The following CNTNAP2 variants were observed in gnomAD, a reference collection of about 807,000 sequenced individuals.
The protein encoded by CNTNAP2 is contactin-associated protein-like 2.
CNTNAP2 carries 98 observed loss-of-function variants against 155.2 expected under a neutral mutation model. The ratio of observed to expected loss-of-function variants is 0.63; its 90% CI spans 0.54 to 0.75. CNTNAP2 has a LOEUF of 0.75. Ranked by LOEUF, CNTNAP2 falls within the 30% of genes least tolerant of loss-of-function variation. CNTNAP2 has a pLI of 0.00. For missense variants in CNTNAP2, 1,727 were observed against 1,688.1 expected, an observed-to-expected ratio of 1.02 and a Z score of -0.40; for synonymous variants, 651 against 631.2, an observed-to-expected ratio of 1.03 and a Z score of -0.47.
chr7:146,175,789 C>A (rs1798461777), intron 1 of CNTNAP2, among the ~76,000 whole-genome samples: 1 of 152,124 alleles, frequency 6.6e-6, no homozygotes, highest in African/African-American at 2.4e-5. Flanking sequence ...ATTACAATTG[C>A]TATTTCTTTG....
At position 146,725,324 on chromosome 7, in the gene CNTNAP2, A is replaced by T. The variant is rs541494221; in HGVS notation, c.98-48947A>T. Among the ~76,000 whole-genome samples, 17 of 152,312 alleles carry T rather than the reference A, an allele frequency of 1.1e-4. 1 individual carries two copies. In the South Asian group the frequency reaches 3.5e-3, roughly 32 times the overall value. ...TAGTAAAACAACCTTTGCAGACATT[A>T]TAACAGTGAGAAAATTATGGCAGTG... is the stretch of plus-strand genomic sequence containing the variant. On this transcript the variant is annotated intron_variant, in intron 1 of 23. Coordinates refer to ENST00000361727, the MANE Select transcript of CNTNAP2 (RefSeq NM_014141.6).
At chr7:146,798,150 C>T (rs768029410) in intron 2 of CNTNAP2, among the ~76,000 whole-genome samples, 1 of 151,742 alleles carries the variant, frequency 6.6e-6, no homozygotes. Flanking sequence ...CACACGCCTG[C>T]GGTCCCAGTT....
chr7:148,257,454 AT>A (rs1161084067), intron 20 of CNTNAP2, among the ~76,000 whole-genome samples: 1 of 152,100 alleles, frequency 6.6e-6, no homozygotes, highest in African/African-American at 2.4e-5. Flanking sequence ...AGTCGGCAGG[AT>A]TTATGAGTAG....
intron 11 of CNTNAP2, among the ~76,000 whole-genome samples, chr7:147,557,615 A>C (rs1163121741): frequency 6.6e-6 from 1 of 152,074 alleles, no homozygotes; most frequent in Non-Finnish European, 1.5e-5. Context: ...ATGTGCAAAA[A>C]TTGTGCAACC....
rs761016674 is a variant in CNTNAP2, at chr7:147,903,546, C to A, written c.2099-19C>A. ...GAACCCAGGTCTGTTTCTAAATATACCTTTGCCTTTTCTTGTAGATGGAAG... is the reference window on the plus strand; with the variant it reads ...GAACCCAGGTCTGTTTCTAAATATAACTTTGCCTTTTCTTGTAGATGGAAG... On this transcript the variant is annotated intron_variant, in intron 13 of 23. Transcript: ENST00000361727. 27 of 1,613,938 alleles carry A rather than the reference C, an allele frequency of 1.7e-5. No individual in the cohort carries two copies. The highest frequency in any genetic ancestry group is 2.2e-5 in the Non-Finnish European group (26 of 1,179,986).
At chr7:147,625,222 A>C (rs1278840680) in intron 12 of CNTNAP2, among the ~76,000 whole-genome samples, 1 of 152,158 alleles carries the variant, frequency 6.6e-6, no homozygotes, top group Admixed American at 6.5e-5. Context: ...ATAATAACTT[A>C]ATTGTACATT....
At chr7:146,380,520 G>A (rs1466420889) in intron 1 of CNTNAP2, among the ~76,000 whole-genome samples, 2 of 152,068 alleles carry the variant, frequency 1.3e-5, no homozygotes, top group East Asian at 3.9e-4. Flanking sequence ...TACCAAAGAT[G>A]TTTTGAAGAT....
At chr7:146,878,801 T>C (rs1795481244) in intron 3 of CNTNAP2, among the ~76,000 whole-genome samples, 1 of 152,140 alleles carries the variant, frequency 6.6e-6, no homozygotes, top group South Asian at 2.1e-4. Flanking sequence ...CCGATCTTCT[T>C]ACGCTTTCTT....
Position 148,080,137 on chromosome 7 carries a change from AC to A in CNTNAP2, c.2384-37980del, listed in dbSNP as rs1178911556. Among the ~76,000 whole-genome samples, 5 of 152,306 alleles carry A rather than the reference AC, an allele frequency of 3.3e-5. No individual in the cohort carries two copies. The East Asian group carries it at 9.6e-4, about 29-fold the overall frequency. ...CATCCTGCACCCCAGAGTAAAGATGACATAGTGGGGAGCCTGTCTTACAATG... is the reference window on the plus strand; with the variant it reads ...CATCCTGCACCCCAGAGTAAAGATGAATAGTGGGGAGCCTGTCTTACAATG... On this transcript the variant is annotated intron_variant, in intron 15 of 23. Transcript: ENST00000361727.
chr7:147,549,254 G>C (rs967507635), intron 11 of CNTNAP2, among the ~76,000 whole-genome samples: 1 of 152,104 alleles, frequency 6.6e-6, no homozygotes, highest in African/African-American at 2.4e-5. Flanking sequence ...TTTTCCATTT[G>C]TTGATGTCCT....
intron 1 of CNTNAP2, among the ~76,000 whole-genome samples, chr7:146,233,503 T>C (rs951183477): frequency 2.0e-5 from 3 of 152,038 alleles, no homozygotes; most frequent in Non-Finnish European, 2.9e-5. Flanking sequence ...TTAGGGTACA[T>C]GTGCACAATG....
chr7:147,172,675 A>G (rs1291740432), intron 8 of CNTNAP2, among the ~76,000 whole-genome samples: 1 of 152,182 alleles, frequency 6.6e-6, no homozygotes, highest in Non-Finnish European at 1.5e-5. Flanking sequence ...AAAAAAAGCC[A>G]TCAAGATTTT....
At chr7:146,836,839 C>T (rs111468910) in intron 2 of CNTNAP2, among the ~76,000 whole-genome samples, 9 of 151,876 alleles carry the variant, frequency 5.9e-5, no homozygotes, top group South Asian at 4.1e-4. Context: ...TTGAATATTA[C>T]GTTATTTTTA....
At chr7:146,658,999 G>A (rs1056797745) in intron 1 of CNTNAP2, among the ~76,000 whole-genome samples, 4 of 152,166 alleles carry the variant, frequency 2.6e-5, no homozygotes, top group African/African-American at 4.8e-5. Context: ...TGGAGACACC[G>A]CAGCCACTAA....
intron 13 of CNTNAP2, among the ~76,000 whole-genome samples, chr7:147,877,886 C>T (rs776342772): frequency 6.6e-6 from 1 of 152,124 alleles, no homozygotes; most frequent in Non-Finnish European, 1.5e-5. Flanking sequence ...TTGGCAGACA[C>T]CAGTGTTTGC....
At chr7:147,919,619 T>G (rs1287644078) in intron 14 of CNTNAP2, among the ~76,000 whole-genome samples, 2 of 151,322 alleles carry the variant, frequency 1.3e-5, no homozygotes, top group Non-Finnish European at 2.9e-5. Flanking sequence ...CCACCACGCC[T>G]GGCTAATTTT....
At chr7:147,911,116 A>G (rs751765675) in intron 14 of CNTNAP2, among the ~76,000 whole-genome samples, 18 of 151,920 alleles carry the variant, frequency 1.2e-4, no homozygotes, top group Non-Finnish European at 1.9e-4. Flanking sequence ...GTAATTCCCC[A>G]TTTCCCTCTC....
At chr7:146,797,733 A>T (rs1802796713) in intron 2 of CNTNAP2, among the ~76,000 whole-genome samples, 1 of 152,232 alleles carries the variant, frequency 6.6e-6, no homozygotes, top group Non-Finnish European at 1.5e-5. Flanking sequence ...ATTTACAAAA[A>T]GGAAGGTTTA....
At chr7:147,011,444 A>AAAAAAAAG (rs1554424732) in intron 3 of CNTNAP2, among the ~76,000 whole-genome samples, 3 of 127,710 alleles carry the variant, frequency 2.3e-5, no homozygotes, top group African/African-American at 2.9e-5. Flanking sequence ...AAAAAAAAAA[A>AAAAAAAAG]GGAACAAGGT....
Sources: allele counts gnomAD v4.1 joint callset (sites outside exome capture counted in the v4.1 genomes callset), GRCh38; gene constraint gnomAD v4.1.1; transcripts MANE v1.5; gene names NCBI Gene and HGNC (gene_info 2026-07-23, HGNC 2026-07-21).